The following RIMS1 variants were observed in gnomAD, a reference collection of about 807,000 sequenced individuals.
The protein encoded by RIMS1 is regulating synaptic membrane exocytosis protein 1.
A neutral mutation model predicts 214.1 loss-of-function variants in RIMS1; 83 were observed. The ratio of observed to expected loss-of-function variants is 0.39; its 90% CI spans 0.32 to 0.47. The LOEUF (loss-of-function observed/expected upper bound fraction) is 0.47. Ranked by LOEUF, RIMS1 falls within the 20% of genes least tolerant of loss-of-function variation. The pLI, the probability that RIMS1 is intolerant of heterozygous loss-of-function variation, is 0.99. For missense variants in RIMS1, 2,050 were observed against 2,161.8 expected (o/e 0.95, Z 1.03); for synonymous variants, 793 against 786.8 (o/e 1.01, Z -0.13).
chr6:72,204,885 G>A (rs2052635764), intron 6 of RIMS1, among the ~76,000 whole-genome samples: 2 of 151,988 alleles, frequency 1.3e-5, no homozygotes, highest in Non-Finnish European at 1.5e-5. Context: ...GAGGATGATT[G>A]GGTTTGAAAA....
At chr6:72,361,513 A>G (rs902576824) in intron 29 of RIMS1, among the ~76,000 whole-genome samples, 2 of 152,310 alleles carry the variant, frequency 1.3e-5, no homozygotes, top group South Asian at 2.1e-4. Flanking sequence ...CAAGTATTTC[A>G]AGTATTTTCA....
At chr6:72,124,936 C>T (rs111953975) in intron 4 of RIMS1, among the ~76,000 whole-genome samples, 3 of 152,130 alleles carry the variant, frequency 2.0e-5, no homozygotes, top group African/African-American at 7.2e-5. Context: ...CCTCCTTTAG[C>T]TCGAAGAAGT....
intron 1 of RIMS1, 68 bp downstream of exon 1, chr6:71,887,255 C>CT (rs1768003946): frequency 1.2e-5 from 19 of 1,539,576 alleles, no homozygotes; most frequent in Non-Finnish European, 1.7e-5. Flanking sequence ...ACTCACTCCC[C>CT]TAGTCCTCGC....
intron 2 of RIMS1, among the ~76,000 whole-genome samples, chr6:72,029,676 A>G (rs1431092676): frequency 5.3e-5 from 8 of 152,200 alleles, no homozygotes; most frequent in Non-Finnish European, 5.9e-5. Context: ...TCTGCAAGTT[A>G]GCACCAAAAT....
At chr6:72,116,202 A>G (rs1032498012) in intron 4 of RIMS1, among the ~76,000 whole-genome samples, 1 of 151,926 alleles carries the variant, frequency 6.6e-6, no homozygotes, top group Non-Finnish European at 1.5e-5. Flanking sequence ...CTCAACTTTT[A>G]TACAGAAAAA....
chr6:72,177,924 T>C (rs547494252), intron 4 of RIMS1, among the ~76,000 whole-genome samples: 84 of 152,322 alleles, frequency 5.5e-4, no homozygotes, highest in African/African-American at 1.9e-3. Context: ...TTGTAAAATA[T>C]ACCCTTATTT....
chr6:72,107,211 G>C (rs760682677), intron 4 of RIMS1, among the ~76,000 whole-genome samples: 3 of 152,136 alleles, frequency 2.0e-5, no homozygotes, highest in Non-Finnish European at 4.4e-5. Context: ...TGAATACTCT[G>C]ATAAGCACCT....
chr6:71,889,523 T>C (rs1042061574), intron 1 of RIMS1, among the ~76,000 whole-genome samples: 69 of 152,224 alleles, frequency 4.5e-4, no homozygotes, highest in African/African-American at 1.7e-3. Flanking sequence ...ATTAACTTTA[T>C]CCATCAGCCT....
At chr6:72,394,546 A>G (rs2154446167) in intron 31 of RIMS1, among the ~76,000 whole-genome samples, 1 of 152,240 alleles carries the variant, frequency 6.6e-6, no homozygotes, top group African/African-American at 2.4e-5. Flanking sequence ...TATAGTGCTT[A>G]GAAATAAGGA....
intron 1 of RIMS1, among the ~76,000 whole-genome samples, chr6:71,940,706 C>T (rs976104534): frequency 3.0e-4 from 46 of 152,114 alleles, no homozygotes; most frequent in African/African-American, 9.9e-4. Context: ...GAAGATTTGG[C>T]GAGGTAAGTT....
At chr6:72,136,422 TG>T (rs1349177842) in intron 4 of RIMS1, among the ~76,000 whole-genome samples, 1 of 151,630 alleles carries the variant, frequency 6.6e-6, no homozygotes, top group African/African-American at 2.4e-5. Context: ...GAAAAAAAAA[TG>T]AAAAGGTTTA....
rs115619118 is a variant in RIMS1, at chr6:72,350,308, G to C, written c.4366+16473G>C. Among the ~76,000 whole-genome samples the C allele has an allele frequency of 2.0e-3, 298 of 152,236 alleles. 1 individual carries two copies. Among genetic ancestry groups the C allele is most frequent in the African/African-American group, 6.9e-3 (288 of 41,556 alleles). ...GCTTGAATTTGCTCTCAGTGCAATT[G>C]CAAGTATTGACTTTAATTTCTGAGA... On this transcript the variant is annotated intron_variant, in intron 29 of 33. Transcript: ENST00000521978.
intron 1 of RIMS1, among the ~76,000 whole-genome samples, chr6:71,961,209 G>A (rs1792850914): frequency 6.6e-6 from 1 of 152,042 alleles, no homozygotes; most frequent in Non-Finnish European, 1.5e-5. Context: ...GGATCTTTCT[G>A]GAAGAAAATG....
chr6:72,339,656 T>G (rs1028902241), intron 29 of RIMS1, among the ~76,000 whole-genome samples: 6 of 152,106 alleles, frequency 3.9e-5, no homozygotes, highest in African/African-American at 1.4e-4. Flanking sequence ...GGTGTATATG[T>G]GCCACATTTT....
intron 1 of RIMS1, among the ~76,000 whole-genome samples, chr6:71,909,954 T>C (rs1408380486): frequency 1.3e-5 from 2 of 152,132 alleles, no homozygotes; most frequent in East Asian, 3.9e-4. Flanking sequence ...AGGAGTCAAC[T>C]CACCTCTTTC....
intron 4 of RIMS1, among the ~76,000 whole-genome samples, chr6:72,165,231 T>A (rs1161801867): frequency 3.3e-5 from 5 of 152,252 alleles, no homozygotes. Context: ...ATATTCTGTT[T>A]TGTCTAATTT....
At chr6:72,093,229 A>ATATATAT (rs1562294511) in intron 2 of RIMS1, among the ~76,000 whole-genome samples, 33 of 82,678 alleles carry the variant, frequency 4.0e-4, no homozygotes, top group African/African-American at 1.1e-3. Context: ...TATATATATA[A>ATATATAT]AAACATGTGT....
Position 72,159,446 on chromosome 6 carries a change from A to G in RIMS1, c.472-20129A>G, listed in dbSNP as rs1405581453. Among the ~76,000 whole-genome samples, 16 of 140,830 alleles carry G rather than the reference A, an allele frequency of 1.1e-4. 1 individual carries two copies. The highest frequency in any genetic ancestry group is 3.2e-4 in the African/African-American group (13 of 40,598). The allele number at this position is 140,830 out of a possible 152,430, so 92.4% of individuals were successfully genotyped here. A position where few individuals can be genotyped will look rare whatever the true frequency, so the allele number is the denominator to read the frequency against. The stretch of plus-strand genomic sequence containing the variant: ...TTGTTGCCATTGCTTTTGGTGTTTT[A>G]GACATGAAGTCCTTGCCCATGCCTA... On this transcript the variant is annotated intron_variant, in intron 4 of 33. Coordinates refer to ENST00000521978, the MANE Select transcript of RIMS1 (RefSeq NM_014989.7).
At chr6:72,351,187 C>T (rs1001859557) in intron 29 of RIMS1, among the ~76,000 whole-genome samples, 14 of 151,586 alleles carry the variant, frequency 9.2e-5, no homozygotes, top group Admixed American at 3.9e-4. Flanking sequence ...CTCACCTCCC[C>T]AAGATGTAAA....
Sources: gnomAD v4.1 joint callset for allele counts (sites outside exome capture counted in the v4.1 genomes callset) on GRCh38, gnomAD v4.1.1 for gene constraint, MANE v1.5 for transcripts, NCBI Gene and HGNC (gene_info 2026-07-23, HGNC 2026-07-21) for gene names.